Variants in SGCZ observed in about 807,000 individuals in gnomAD.
The protein encoded by SGCZ is sarcoglycan zeta, also known as zeta-sarcoglycan.
In SGCZ, 40 loss-of-function variants were observed where a neutral mutation model predicts 41.3. That is an observed-to-expected ratio of 0.97 (90% CI 0.75 to 1.26). SGCZ has a LOEUF of 1.26. SGCZ is among the 50% of genes most tolerant of loss of function. The pLI, the probability that SGCZ is intolerant of heterozygous loss-of-function variation, is 0.00. For synonymous variants in SGCZ, 206 were observed against 137.5 expected (o/e 1.50, Z -3.49); for missense variants, 552 against 369.8 (o/e 1.49, Z -4.04).
At chr8:14,218,275 T>C (rs1438700683) in intron 4 of SGCZ, among the ~76,000 whole-genome samples, 1 of 152,224 alleles carries the variant, frequency 6.6e-6, no homozygotes, top group East Asian at 1.9e-4. Context: ...CACTTTTGCA[T>C]TTTCCTGTAT....
chr8:14,883,922 G>C (rs1358794297), intron 1 of SGCZ, among the ~76,000 whole-genome samples: 1 of 151,556 alleles, frequency 6.6e-6, no homozygotes, highest in Admixed American at 6.6e-5. Context: ...GTAAGAATTT[G>C]AAGGCAGCTG....
intron 1 of SGCZ, among the ~76,000 whole-genome samples, chr8:15,045,234 G>C (rs550527970): frequency 6.6e-6 from 1 of 152,110 alleles, no homozygotes; most frequent in African/African-American, 2.4e-5. Flanking sequence ...GGACAAACAA[G>C]AGACATGATA....
chr8:14,202,420 T>C (rs747800777), intron 4 of SGCZ, among the ~76,000 whole-genome samples: 1 of 152,142 alleles, frequency 6.6e-6, no homozygotes, highest in East Asian at 1.9e-4. Flanking sequence ...GACACTAAGT[T>C]TGTGGTAATT....
intron 1 of SGCZ, among the ~76,000 whole-genome samples, chr8:14,786,020 G>A (rs551567127): frequency 2.3e-5 from 3 of 132,660 alleles, no homozygotes; most frequent in South Asian, 2.2e-4. Context: ...TCTGTTTAGA[G>A]ATATATCCCC....
chr8:14,416,388 TTATTA>T (rs551199371), intron 2 of SGCZ, among the ~76,000 whole-genome samples: 94 of 152,038 alleles, frequency 6.2e-4, no homozygotes, highest in Admixed American at 1.2e-3. Context: ...ACAAATGATC[TTATTA>T]TATTAGGAGT....
At chr8:14,978,234 G>GT (rs1801544221) in intron 1 of SGCZ, among the ~76,000 whole-genome samples, 1 of 122,298 alleles carries the variant, frequency 8.2e-6, no homozygotes, top group Admixed American at 8.0e-5. Flanking sequence ...TTAGGAGGCT[G>GT]AGGGGGGTGG....
In SGCZ at chr8:14,087,157, T is replaced by TTCAC. The variant is rs761777961; in HGVS notation, c.*3285_*3286insGTGA. Among the ~76,000 whole-genome samples, 28 of 151,746 alleles carry TTCAC rather than the reference T, an allele frequency of 1.8e-4. No homozygotes were observed. Among genetic ancestry groups the TTCAC allele is most frequent in the Admixed American group, 3.3e-4 (5 of 15,182 alleles). Reference sequence around the variant, plus strand: ...AGATAAATAATTATGTGCCAAATTATAAAACATATCATTCACAATAAAATA... The same window carrying TTCAC: ...AGATAAATAATTATGTGCCAAATTATTCACAAAACATATCATTCACAATAAAATA... On this transcript the variant is annotated 3_prime_UTR_variant, in exon 8 of 8. Transcript: ENST00000382080.
chr8:15,222,488 G>C (rs1420444012), intron 1 of SGCZ, among the ~76,000 whole-genome samples: 1 of 151,976 alleles, frequency 6.6e-6, no homozygotes, highest in Non-Finnish European at 1.5e-5. Context: ...TAGCAAATCT[G>C]ATAAATCAAT....
intron 2 of SGCZ, among the ~76,000 whole-genome samples, chr8:14,500,359 A>G (rs1218360898): frequency 3.3e-5 from 5 of 152,022 alleles, no homozygotes; most frequent in Non-Finnish European, 7.4e-5. Flanking sequence ...TGAGAGCAGG[A>G]TGGAAGCAGA....
chr8:14,147,798 A>C (rs778706204), intron 5 of SGCZ, among the ~76,000 whole-genome samples: 1 of 152,168 alleles, frequency 6.6e-6, no homozygotes, highest in Non-Finnish European at 1.5e-5. Flanking sequence ...GGGATAGACT[A>C]TATGTTAGGT....
At chr8:15,027,326 C>A (rs1024165819) in intron 1 of SGCZ, among the ~76,000 whole-genome samples, 1 of 151,980 alleles carries the variant, frequency 6.6e-6, no homozygotes, top group African/African-American at 2.4e-5. Flanking sequence ...AATCAACAAC[C>A]CAGTGCTTTA....
chr8:14,503,858 T>C (rs1802228075), intron 2 of SGCZ, among the ~76,000 whole-genome samples: 1 of 152,178 alleles, frequency 6.6e-6, no homozygotes, highest in Non-Finnish European at 1.5e-5. Context: ...TATAGACTTA[T>C]TTGAAGAGAT....
intron 1 of SGCZ, among the ~76,000 whole-genome samples, chr8:14,775,113 G>A (rs1195763403): frequency 6.6e-6 from 1 of 152,116 alleles, no homozygotes; most frequent in African/African-American, 2.4e-5. Flanking sequence ...AAGGGTGATG[G>A]ATCTTGGCTA....
intron 1 of SGCZ, among the ~76,000 whole-genome samples, chr8:14,668,787 T>G (rs888774036): frequency 6.6e-6 from 1 of 152,190 alleles, no homozygotes; most frequent in Non-Finnish European, 1.5e-5. Context: ...CATTATGTCT[T>G]TATTTTATTT....
intron 1 of SGCZ, among the ~76,000 whole-genome samples, chr8:15,114,324 A>G (rs1014517411): frequency 1.3e-5 from 2 of 152,024 alleles, no homozygotes; most frequent in African/African-American, 4.8e-5. Flanking sequence ...TCCTTCCACA[A>G]TCTCTAGTTT....
intron 1 of SGCZ, among the ~76,000 whole-genome samples, chr8:15,043,874 G>A (rs10109935): frequency 0.93 from 141,669 of 152,090 alleles, 66,806 homozygotes; most frequent in East Asian, 1. Context: ...CCTTTCTTCA[G>A]TTGAAAACCA....
chr8:14,734,137 T>TG (rs1223209314), intron 1 of SGCZ, among the ~76,000 whole-genome samples: 2 of 152,196 alleles, frequency 1.3e-5, no homozygotes, highest in East Asian at 3.9e-4. Flanking sequence ...TGCAGGGCTC[T>TG]GACATATATT....
chr8:14,110,941 C>A (rs1802352359), intron 5 of SGCZ, among the ~76,000 whole-genome samples: 1 of 152,024 alleles, frequency 6.6e-6, no homozygotes, highest in Non-Finnish European at 1.5e-5. Context: ...GTAGTCCCAG[C>A]TGCTTGGGAG....
At chr8:14,144,422 G>T (rs1008965269) in intron 5 of SGCZ, among the ~76,000 whole-genome samples, 2 of 152,166 alleles carry the variant, frequency 1.3e-5, no homozygotes, top group Admixed American at 1.3e-4. Context: ...TCCTTGCAGA[G>T]TTCATAACCT....
Sources: gnomAD v4.1 joint callset for allele counts (sites outside exome capture counted in the v4.1 genomes callset) on GRCh38, gnomAD v4.1.1 for gene constraint, MANE v1.5 for transcripts, NCBI Gene and HGNC (gene_info 2026-07-23, HGNC 2026-07-21) for gene names.